Variants in TMEM266 observed in about 807,000 individuals in gnomAD.
TMEM266 encodes the protein Hv1 related protein 1.
TMEM266 carries 33 observed loss-of-function variants against 50.5 expected under a neutral mutation model. The observed-to-expected ratio is 0.65, with a 90% CI of 0.50 to 0.87. The LOEUF is 0.87. Among genes scored for constraint, TMEM266 ranks in the 40% least tolerant of loss-of-function variants. The probability of loss-of-function intolerance (pLI) is 0.00; values close to 1 mark genes in which losing one functional copy is unlikely to be tolerated. For missense variants in TMEM266, 655 were observed against 695.1 expected (o/e 0.94, Z 0.65); for synonymous variants, 310 against 292.3 (o/e 1.06, Z -0.62).
At chr15:76,187,782 G>C (rs2038510255) in intron 8 of TMEM266, among the ~76,000 whole-genome samples, 1 of 152,184 alleles carries the variant, frequency 6.6e-6, no homozygotes, top group Non-Finnish European at 1.5e-5. Context: ...TTTGGGACAG[G>C]GGTGCAGCTC....
At chr15:76,196,177 A>G (rs773073903) in intron 9 of TMEM266, among the ~76,000 whole-genome samples, 13 of 152,194 alleles carry the variant, frequency 8.5e-5, no homozygotes, top group Non-Finnish European at 1.5e-4. Context: ...TAGAGGTGCC[A>G]GACACACACC....
rs754290279 is a variant in TMEM266, at chr15:76,204,090, C to G, written c.1371C>G (p.Ala457=). Residue 457 remains alanine (A), a synonymous_variant, in exon 11 of 11, where the codon GCC becomes GCG. Coordinates refer to ENST00000388942, the MANE Select transcript of TMEM266 (RefSeq NM_152335.3). ...AGGACCCCTGCCCTTCCCAGAAGGC[C>G]TTGGACCCAGCCCCCCTCGCCCGGC... The G allele has an allele frequency of 6.2e-7, 1 of 1,612,864 alleles. No homozygotes were observed. The highest frequency in any genetic ancestry group is 8.5e-7 in the Non-Finnish European group (1 of 1,179,616).
chr15:76,126,902 G>T (rs1264322638), intron 1 of TMEM266, among the ~76,000 whole-genome samples: 2 of 152,184 alleles, frequency 1.3e-5, no homozygotes, highest in East Asian at 3.9e-4. Flanking sequence ...AGTTACCAGG[G>T]GTTGCGGGGG....
chr15:76,141,851 A>T (rs949544645), intron 3 of TMEM266, among the ~76,000 whole-genome samples: 1 of 152,200 alleles, frequency 6.6e-6, no homozygotes, highest in Non-Finnish European at 1.5e-5. Flanking sequence ...TTGTCCTTTT[A>T]TAACTGGCTT....
At chr15:76,110,085 T>C (rs551176517) in intron 1 of TMEM266, among the ~76,000 whole-genome samples, 71 of 152,172 alleles carry the variant, frequency 4.7e-4, no homozygotes, top group South Asian at 2.7e-3. Context: ...CTGCAATCTC[T>C]GTCTCCTGGG....
intron 3 of TMEM266, among the ~76,000 whole-genome samples, chr15:76,140,326 C>T (rs187193237): frequency 6.6e-6 from 1 of 152,202 alleles, no homozygotes; most frequent in African/African-American, 2.4e-5. Context: ...GAGGGAGGAA[C>T]GGCCTCTCTC....
At chr15:76,110,717 A>G (rs1439397755) in intron 1 of TMEM266, among the ~76,000 whole-genome samples, 3 of 152,242 alleles carry the variant, frequency 2.0e-5, no homozygotes, top group African/African-American at 7.2e-5. Context: ...AGTCTGGGAG[A>G]AAATATTTGC....
chr15:76,157,040 A>ATTT (rs2037938515), intron 4 of TMEM266, among the ~76,000 whole-genome samples: 2 of 152,062 alleles, frequency 1.3e-5, no homozygotes, highest in Non-Finnish European at 2.9e-5. Flanking sequence ...TGAGATGAAA[A>ATTT]ACGTTGGGGA....
intron 1 of TMEM266, among the ~76,000 whole-genome samples, chr15:76,132,964 G>A (rs775118358): frequency 1.7e-4 from 26 of 150,706 alleles, no homozygotes; most frequent in Non-Finnish European, 2.8e-4. Flanking sequence ...GCAAAACCCC[G>A]ACTCTACCAA....
chr15:76,072,438 C>CAA (rs766766619), intron 1 of TMEM266, among the ~76,000 whole-genome samples: 48 of 54,502 alleles, frequency 8.8e-4, no homozygotes, highest in Admixed American at 3.1e-3. Context: ...AAAACTCTGT[C>CAA]AAAAAAAAAA....
At chr15:76,114,696 A>T (rs1021894157) in intron 1 of TMEM266, among the ~76,000 whole-genome samples, 5 of 152,132 alleles carry the variant, frequency 3.3e-5, no homozygotes, top group Admixed American at 2.0e-4. Flanking sequence ...CTGTTTTTTT[A>T]AATTGTGGTA....
intron 1 of TMEM266, among the ~76,000 whole-genome samples, chr15:76,096,170 G>A (rs574743810): frequency 6.6e-6 from 1 of 151,298 alleles, no homozygotes; most frequent in East Asian, 1.9e-4. Flanking sequence ...TGAATTTGCT[G>A]TTGCTTCTCT....
rs1472357351 is a variant in TMEM266 at position 76,188,183 on chromosome 15, A to T, written c.769-3785A>T. Among the ~76,000 whole-genome samples the T allele has an allele frequency of 2.0e-5, 3 of 152,100 alleles. No homozygotes were observed. In the East Asian group the frequency reaches 5.8e-4, roughly 29 times the overall value. On this transcript the variant is annotated intron_variant, in intron 8 of 10. Coordinates refer to ENST00000388942, the MANE Select transcript of TMEM266 (RefSeq NM_152335.3). ...TTGTTTTCACGCTGCTAATAAAGAC[A>T]TACCCAAGACTGGGTAATTTATAAA...
At chr15:76,072,282 T>C (rs1238909255) in intron 1 of TMEM266, among the ~76,000 whole-genome samples, 1 of 151,732 alleles carries the variant, frequency 6.6e-6, no homozygotes, top group East Asian at 1.9e-4. Context: ...CTACTAAAAA[T>C]ATAAAATTAG....
At chr15:76,199,283 C>G (rs533838668) in intron 9 of TMEM266, among the ~76,000 whole-genome samples, 34 of 152,180 alleles carry the variant, frequency 2.2e-4, no homozygotes, top group African/African-American at 8.0e-4. Context: ...TGTCCGGGGA[C>G]GGTCGGCCAG....
chr15:76,078,395 T>G (rs1312361186), intron 1 of TMEM266, among the ~76,000 whole-genome samples: 1 of 151,182 alleles, frequency 6.6e-6, no homozygotes, highest in African/African-American at 2.5e-5. Flanking sequence ...ATTTTCAGCT[T>G]GATTTTTATT....
At chr15:76,105,035 A>T (rs1454820371) in intron 1 of TMEM266, among the ~76,000 whole-genome samples, 2 of 152,032 alleles carry the variant, frequency 1.3e-5, no homozygotes, top group Non-Finnish European at 2.9e-5. Flanking sequence ...TTAAAATAGA[A>T]TAGAGTTCAA....
At chr15:76,186,168 C>G (rs2142076508) in intron 8 of TMEM266, among the ~76,000 whole-genome samples, 1 of 152,294 alleles carries the variant, frequency 6.6e-6, no homozygotes, top group South Asian at 2.1e-4. Flanking sequence ...GTGGCCCCTG[C>G]TTTGCTTCTG....
intron 1 of TMEM266, among the ~76,000 whole-genome samples, chr15:76,130,079 C>T (rs1401724579): frequency 6.6e-6 from 1 of 150,862 alleles, no homozygotes; most frequent in Non-Finnish European, 1.5e-5. Flanking sequence ...CAAAAGGTAG[C>T]CGGGTGTGGT....
Sources: allele counts gnomAD v4.1 joint callset (sites outside exome capture counted in the v4.1 genomes callset), GRCh38; gene constraint gnomAD v4.1.1; transcripts MANE v1.5; gene names NCBI Gene and HGNC (gene_info 2026-07-23, HGNC 2026-07-21).